The following CSMD1 variants were observed in gnomAD, a reference collection of about 807,000 sequenced individuals.
The protein encoded by CSMD1 is CUB and Sushi multiple domains 1.
Under a neutral mutation model 417.5 loss-of-function variants are expected in CSMD1, and 213 were observed. The observed-to-expected ratio is 0.51, with a 90% CI of 0.46 to 0.57. The LOEUF (loss-of-function observed/expected upper bound fraction) is 0.57, where lower values mean the gene tolerates loss of function less well. Among genes scored for constraint, CSMD1 ranks in the 20% least tolerant of loss-of-function variants. CSMD1 has a pLI of 0.00. For missense variants in CSMD1, 6,923 were observed against 4,529.7 expected (o/e 1.53, Z -15.17); for synonymous variants, 2,862 against 1,736.8 (o/e 1.65, Z -16.11).
intron 26 of CSMD1, among the ~76,000 whole-genome samples, chr8:3,257,710 C>T (rs1475960157): frequency 2.0e-5 from 3 of 152,036 alleles, no homozygotes; most frequent in Non-Finnish European, 4.4e-5. Flanking sequence ...AAACGGTGGG[C>T]CTAGAGCCTT....
At chr8:3,666,791 T>C (rs1258056930) in intron 7 of CSMD1, among the ~76,000 whole-genome samples, 2 of 152,206 alleles carry the variant, frequency 1.3e-5, no homozygotes, top group Non-Finnish European at 2.9e-5. Context: ...TCCATCATGA[T>C]TGTGAGGCCT....
intron 3 of CSMD1, among the ~76,000 whole-genome samples, chr8:4,377,518 C>A (rs548906747): frequency 6.6e-6 from 1 of 152,100 alleles, no homozygotes; most frequent in Non-Finnish European, 1.5e-5. Context: ...CACTTTTGGA[C>A]CCAGGAGAAC....
At chr8:4,153,540 G>A (rs190488045) in intron 3 of CSMD1, among the ~76,000 whole-genome samples, 13 of 152,300 alleles carry the variant, frequency 8.5e-5, no homozygotes, top group Middle Eastern at 3.4e-3. Flanking sequence ...CTGGTCCCTC[G>A]TCAGCAGCGG....
chr8:3,107,793 G>A lies in CSMD1; in HGVS notation c.6760C>T (p.Gln2254Ter). 1 of 1,573,894 alleles carries A rather than the reference G, an allele frequency of 6.4e-7. No homozygotes were observed. The highest frequency in any genetic ancestry group is 8.6e-7 in the Non-Finnish European group (1 of 1,162,300). Residue 2254 changes from glutamine (Q) to a stop codon, truncating the protein, a stop_gained, in exon 45 of 70, where the codon CAG becomes TAG. Transcript: ENST00000635120. LOFTEE classifies it high-confidence loss of function. ...GGGGGAGGTTGACATTTCTTGAGCTGAAATGCTAAATGATTAATGGAAAGA... is the reference window on the plus strand; with the variant it reads ...GGGGGAGGTTGACATTTCTTGAGCTAAAATGCTAAATGATTAATGGAAAGA... ...GFFVLNFHAF[Q>*]LKKCQPPPAV...
In CSMD1 at chr8:3,308,053, T is replaced by C. The variant is rs529199583; in HGVS notation, c.3824-232A>G. On this transcript the variant is annotated intron_variant, in intron 24 of 69. Transcript: ENST00000635120. The stretch of plus-strand genomic sequence containing the variant: ...AGAGCATAAAGCAATAAGACACTCA[T>C]GTGATAATTCTAATAATATGTGATA... Among the ~76,000 whole-genome samples, 3 of 30,266 alleles carry C rather than the reference T, an allele frequency of 9.9e-5. No homozygotes were observed. The highest frequency in any genetic ancestry group is 2.2e-4 in the Non-Finnish European group (3 of 13,640). 19.9% of individuals were successfully genotyped at this position (30,266 alleles called of 152,430 possible).
At chr8:3,970,791 T>A (rs1393223682) in intron 5 of CSMD1, among the ~76,000 whole-genome samples, 2 of 152,152 alleles carry the variant, frequency 1.3e-5, no homozygotes, top group South Asian at 2.1e-4. Flanking sequence ...TCACTCTTGT[T>A]ACCCAGGCTG....
intron 5 of CSMD1, among the ~76,000 whole-genome samples, chr8:3,855,069 C>G (rs184766433): frequency 6.6e-6 from 1 of 151,818 alleles, no homozygotes; most frequent in African/African-American, 2.4e-5. Context: ...ATGAGAATAC[C>G]CCAAAATATC....
chr8:3,229,551 C>G (rs1445024420), intron 27 of CSMD1, among the ~76,000 whole-genome samples: 1 of 152,074 alleles, frequency 6.6e-6, no homozygotes, highest in South Asian at 2.1e-4. Context: ...AGAAACAAAC[C>G]TCCTTTTATC....
chr8:4,947,128 G>A (rs1035088504), intron 1 of CSMD1, among the ~76,000 whole-genome samples: 13 of 152,040 alleles, frequency 8.6e-5, no homozygotes, highest in African/African-American at 3.1e-4. Context: ...ATCCATCTGT[G>A]CATAAATTTA....
rs773393745 is a variant in CSMD1 at position 3,574,962 on chromosome 8, T to A, written c.1327A>T (p.Thr443Ser). Reference sequence around the variant, plus strand: ...AGCCTTACCTTGTCCGGGTCGGTGGTGGTGATGACCCACACACAGTGTGCA... The same window carrying A: ...AGCCTTACCTTGTCCGGGTCGGTGGAGGTGATGACCCACACACAGTGTGCA... ...DNAHCVWVITTTDPDKVIKLA... is the reference protein window; with the variant it reads ...DNAHCVWVITSTDPDKVIKLA... The change falls in exon 10 of 70, where the codon ACC becomes TCC. Residue 443 changes from threonine to serine, a missense_variant. Physicochemically the swap from Thr to Ser is moderately conservative, Grantham distance 58 (BLOSUM62 1). Coordinates refer to ENST00000635120, the MANE Select transcript of CSMD1 (RefSeq NM_033225.6). The A allele has an allele frequency of 6.2e-7, 1 of 1,612,452 alleles. No homozygotes were observed. The highest frequency in any genetic ancestry group is 8.5e-7 in the Non-Finnish European group (1 of 1,179,708).
At chr8:3,479,556 A>C (rs780702453) in intron 11 of CSMD1, among the ~76,000 whole-genome samples, 45 of 152,272 alleles carry the variant, frequency 3.0e-4, no homozygotes, top group Non-Finnish European at 5.3e-4. Context: ...CTGGGATTAC[A>C]GGTGTGAGCC....
intron 3 of CSMD1, among the ~76,000 whole-genome samples, chr8:4,391,073 T>C (rs150829136): frequency 6.6e-6 from 1 of 152,188 alleles, no homozygotes; most frequent in Non-Finnish European, 1.5e-5. Flanking sequence ...GGTCGTTGTC[T>C]AGATCCTGGA....
At chr8:4,255,844 A>C (rs1251604205) in intron 3 of CSMD1, among the ~76,000 whole-genome samples, 1 of 152,198 alleles carries the variant, frequency 6.6e-6, no homozygotes, top group East Asian at 1.9e-4. Context: ...CCTATCTTTT[A>C]AGTTTACTTC....
intron 1 of CSMD1, among the ~76,000 whole-genome samples, chr8:4,831,918 C>G (rs747542694): frequency 4.6e-5 from 7 of 152,112 alleles, no homozygotes; most frequent in Non-Finnish European, 7.4e-5. Flanking sequence ...ACACACTCCC[C>G]TGAAAGCTGG....
intron 7 of CSMD1, among the ~76,000 whole-genome samples, chr8:3,690,970 C>G (rs1256545628): frequency 6.6e-6 from 1 of 152,082 alleles, no homozygotes; most frequent in Non-Finnish European, 1.5e-5. Flanking sequence ...CTGGTTAATG[C>G]ATGTTTGTGT....
chr8:3,939,381 G>C (rs1046821015), intron 5 of CSMD1, among the ~76,000 whole-genome samples: 10 of 152,076 alleles, frequency 6.6e-5, no homozygotes, highest in Non-Finnish European at 1.5e-4. Flanking sequence ...CATGGATATG[G>C]TGAAAAGGGA....
intron 2 of CSMD1, among the ~76,000 whole-genome samples, chr8:4,603,339 A>G (rs1448664769): frequency 6.6e-6 from 1 of 152,068 alleles, no homozygotes; most frequent in Non-Finnish European, 1.5e-5. Context: ...AATTCAATAT[A>G]TCATTTTAAT....
At chr8:4,213,735 A>T (rs1226135233) in intron 3 of CSMD1, among the ~76,000 whole-genome samples, 1 of 152,182 alleles carries the variant, frequency 6.6e-6, no homozygotes, top group African/African-American at 2.4e-5. Context: ...AAAGGGTGGG[A>T]ATGGGGTAGA....
At chr8:4,437,554 C>A (rs896488051) in intron 2 of CSMD1, among the ~76,000 whole-genome samples, 2 of 152,168 alleles carry the variant, frequency 1.3e-5, no homozygotes, top group Non-Finnish European at 2.9e-5. Context: ...ACAGTTTCTG[C>A]AGATATCTTG....
Sources: gnomAD v4.1 joint callset for allele counts (sites outside exome capture counted in the v4.1 genomes callset) on GRCh38, gnomAD v4.1.1 for gene constraint, MANE v1.5 for transcripts, NCBI Gene and HGNC (gene_info 2026-07-23, HGNC 2026-07-21) for gene names.